The following IL1R1 variants were observed in gnomAD, a reference collection of about 807,000 sequenced individuals.
IL1R1 encodes interleukin 1 receptor type 1, also known as interleukin-1 receptor type 1.
In IL1R1, 22 loss-of-function variants were observed where a neutral mutation model predicts 50.2. The ratio of observed to expected loss-of-function variants is 0.44; its 90% CI spans 0.31 to 0.63. IL1R1 has a LOEUF of 0.63. Ranked by LOEUF, IL1R1 falls within the 20% of genes least tolerant of loss-of-function variation. The pLI is 0.07. For missense variants in IL1R1, 509 were observed against 676.2 expected, an observed-to-expected ratio of 0.75 and a Z score of 2.74; for synonymous variants, 251 against 236.7, an observed-to-expected ratio of 1.06 and a Z score of -0.55.
intron 1 of IL1R1, among the ~76,000 whole-genome samples, chr2:102,118,473 G>A (rs966836395): frequency 1.3e-5 from 2 of 152,136 alleles, no homozygotes; most frequent in Admixed American, 6.6e-5. Flanking sequence ...GGATGGGGTC[G>A]TAGGAACCCT....
chr2:102,109,153 G>A (rs1680600778), intron 1 of IL1R1, among the ~76,000 whole-genome samples: 2 of 152,056 alleles, frequency 1.3e-5, no homozygotes, highest in South Asian at 4.1e-4. Context: ...CTGGAATTAT[G>A]ACGCAGACAG....
intron 1 of IL1R1, among the ~76,000 whole-genome samples, chr2:102,119,318 G>A (rs1420646059): frequency 6.6e-6 from 1 of 152,186 alleles, no homozygotes; most frequent in Non-Finnish European, 1.5e-5. Context: ...TCCTTATGAA[G>A]TTGGAATATT....
exon 1 of IL1R1, chr2:102,104,681 C>T (rs1207890899): frequency 1.2e-4 from 19 of 152,260 alleles, no homozygotes; most frequent in Admixed American, 1.2e-3. Context: ...AGTTGTCACT[C>T]TGCTGCGGCA....
At chr2:102,070,976 G>A (rs1424748939) in intron 1 of IL1R1, among the ~76,000 whole-genome samples, 4 of 151,926 alleles carry the variant, frequency 2.6e-5, no homozygotes, top group Non-Finnish European at 5.9e-5. Context: ...TCTTTTTCAA[G>A]ATAGACATGG....
intron 1 of IL1R1, among the ~76,000 whole-genome samples, chr2:102,128,641 T>G (rs1307200116): frequency 1.3e-5 from 2 of 152,188 alleles, no homozygotes; most frequent in African/African-American, 4.8e-5. Flanking sequence ...TTTGGGGCAG[T>G]TGGGCTCCAT....
At chr2:102,165,590 G>A (rs1447616578) in intron 5 of IL1R1, among the ~76,000 whole-genome samples, 2 of 152,168 alleles carry the variant, frequency 1.3e-5, no homozygotes, top group Admixed American at 6.5e-5. Context: ...TTAAGGTATT[G>A]AAGATGTAAC....
Position 102,176,921 on chromosome 2 carries a change from G to A in IL1R1, c.*162G>A, listed in dbSNP as rs527906464. 2.6e-5 allele frequency: 18 copies of A among 692,260 alleles called. No homozygotes were observed. Among genetic ancestry groups the A allele is most frequent in the Admixed American group, 8.7e-5 (3 of 34,492 alleles). 42.9% of individuals were successfully genotyped at this position (692,260 alleles called of 1,614,324 possible). On this transcript the variant is annotated 3_prime_UTR_variant, in exon 12 of 12. Transcript: ENST00000410023. Reference sequence around the variant, plus strand: ...GATTATTAAGGGAATAAGCCATGACGTCAATAGCAGCCCAGGGCACTTCAG... The same window carrying A: ...GATTATTAAGGGAATAAGCCATGACATCAATAGCAGCCCAGGGCACTTCAG...
intron 1 of IL1R1, among the ~76,000 whole-genome samples, chr2:102,147,530 G>A (rs776766322): frequency 6.6e-6 from 1 of 152,164 alleles, no homozygotes; most frequent in Non-Finnish European, 1.5e-5. Context: ...CACAAGGCAG[G>A]GCATTTAGAA....
At chr2:102,119,824 A>G in intron 1 of IL1R1, among the ~76,000 whole-genome samples, 1 of 152,206 alleles carries the variant, frequency 6.6e-6, no homozygotes, top group African/African-American at 2.4e-5. Context: ...GCTAAAATCA[A>G]CTCTCTTAGC....
intron 1 of IL1R1, among the ~76,000 whole-genome samples, chr2:102,129,592 T>C (rs1681919493): frequency 6.6e-6 from 1 of 152,216 alleles, no homozygotes. Context: ...AGGATGTAGG[T>C]CCTTATGGTG....
chr2:102,100,915 A>G (rs1361264799), upstream of IL1R1, among the ~76,000 whole-genome samples: 1 of 152,204 alleles, frequency 6.6e-6, no homozygotes, highest in Non-Finnish European at 1.5e-5. Context: ...TAGGAGTATG[A>G]TAAGCAGCCA....
At chr2:102,096,332 T>A (rs1679901759) in intron 1 of IL1R1, among the ~76,000 whole-genome samples, 1 of 152,230 alleles carries the variant, frequency 6.6e-6, no homozygotes, top group African/African-American at 2.4e-5. Context: ...TCCAAAGTGG[T>A]TGCAGTGATT....
upstream of IL1R1, among the ~76,000 whole-genome samples, chr2:102,102,526 G>T (rs923505423): frequency 1.3e-5 from 2 of 152,140 alleles, no homozygotes; most frequent in Non-Finnish European, 2.9e-5. Flanking sequence ...CAACAAGGTT[G>T]CAGTGAAAAG....
At chr2:102,130,565 C>T (rs1185965598) in intron 1 of IL1R1, among the ~76,000 whole-genome samples, 1 of 152,140 alleles carries the variant, frequency 6.6e-6, no homozygotes, top group African/African-American at 2.4e-5. Context: ...CCTCTAGGGC[C>T]TGACAGCTGC....
At chr2:102,095,328 T>G (rs1332111371) in intron 1 of IL1R1, among the ~76,000 whole-genome samples, 2 of 152,214 alleles carry the variant, frequency 1.3e-5, no homozygotes, top group African/African-American at 4.8e-5. Context: ...ATTTATCTGT[T>G]AGGAAAAAAC....
At chr2:102,097,748 C>A (rs1482105769) in intron 1 of IL1R1, among the ~76,000 whole-genome samples, 12 of 151,906 alleles carry the variant, frequency 7.9e-5, no homozygotes, top group Non-Finnish European at 2.9e-5. Context: ...CATATTATAA[C>A]TATCCTACAA....
At chr2:102,079,284 G>T (rs1326702437) in intron 1 of IL1R1, among the ~76,000 whole-genome samples, 1 of 152,062 alleles carries the variant, frequency 6.6e-6, no homozygotes, top group African/African-American at 2.4e-5. Flanking sequence ...TTGGCAAGAA[G>T]AAATAAAATT....
intron 1 of IL1R1, among the ~76,000 whole-genome samples, chr2:102,105,510 GCCTGCCACCATGC>G (rs535420611): frequency 2.4e-3 from 358 of 152,132 alleles, no homozygotes; most frequent in Non-Finnish European, 4.3e-3. Context: ...GACTATAGGC[GCCTGCCACCATGC>G]CCTGCTAACT....
chr2:102,142,100 C>CT (rs912945492), upstream of IL1R1: 1 of 152,188 alleles, frequency 6.6e-6, no homozygotes, highest in Non-Finnish European at 1.5e-5. Flanking sequence ...ACTTAAATTG[C>CT]TTTTTTCATC....
Sources: allele counts gnomAD v4.1 joint callset (sites outside exome capture counted in the v4.1 genomes callset), GRCh38; gene constraint gnomAD v4.1.1; transcripts MANE v1.5; gene names NCBI Gene and HGNC (gene_info 2026-07-23, HGNC 2026-07-21).